Variants in SLC30A5 observed in about 807,000 individuals in gnomAD.
SLC30A5 encodes solute carrier family 30 member 5, also known as proton-coupled zinc antiporter SLC30A5.
A neutral mutation model predicts 79.6 loss-of-function variants in SLC30A5; 33 were observed. The observed-to-expected ratio is 0.41, with a 90% CI of 0.31 to 0.55. The LOEUF is 0.55. Among genes scored for constraint, SLC30A5 ranks in the 20% least tolerant of loss-of-function variants. The pLI is 0.20. For synonymous variants in SLC30A5, 299 were observed against 319.7 expected, an observed-to-expected ratio of 0.94 and a Z score of 0.69; for missense variants, 788 against 928.1, an observed-to-expected ratio of 0.85 and a Z score of 1.96.
At chr5:69,126,361 G>A (rs1314588390) in intron 14 of SLC30A5, among the ~76,000 whole-genome samples, 12 of 152,050 alleles carry the variant, frequency 7.9e-5, no homozygotes, top group East Asian at 1.9e-4. Context: ...AATGTTGCCC[G>A]GGCTGGTCTT....
chr5:69,100,333 G>A (rs1322265774), intron 1 of SLC30A5, among the ~76,000 whole-genome samples: 1 of 152,144 alleles, frequency 6.6e-6, no homozygotes, highest in African/African-American at 2.4e-5. Flanking sequence ...ACAGCTCACT[G>A]CAACCTCAAC....
chr5:69,094,218 C>CG lies in SLC30A5; in HGVS notation c.-37dup. ...GCAGCGGCGAGACATGAGGAGACCC[C>CG]GCGACAGGGGCAGCGGCGGCGGCTC... On this transcript the variant is annotated 5_prime_UTR_variant, in exon 1 of 16. It removes the in-frame stop codon of an upstream open reading frame in the 5' UTR. Coordinates refer to ENST00000396591, the MANE Select transcript of SLC30A5 (RefSeq NM_022902.5). The CG allele has an allele frequency of 9.1e-7, 1 of 1,102,894 alleles. No individual in the cohort carries two copies. The allele number at this position is 1,102,894 out of a possible 1,614,324, so 68.3% of individuals were successfully genotyped here.
At chr5:69,104,518 A>G (rs1237355337) in intron 3 of SLC30A5, 113 bp from the exon 4 acceptor site, 18 of 1,395,054 alleles carry the variant, frequency 1.3e-5, no homozygotes, top group Non-Finnish European at 1.7e-5. Context: ...ATATGTAATG[A>G]TTTCACCTTT....
chr5:69,096,028 C>T (rs1480562726), intron 1 of SLC30A5, among the ~76,000 whole-genome samples: 1 of 152,122 alleles, frequency 6.6e-6, no homozygotes, highest in Non-Finnish European at 1.5e-5. Flanking sequence ...GAGATCGCAC[C>T]ACTGCACTCC....
intron 13 of SLC30A5, among the ~76,000 whole-genome samples, chr5:69,122,326 G>A (rs1746559006): frequency 6.6e-6 from 1 of 152,176 alleles, no homozygotes; most frequent in South Asian, 2.1e-4. Flanking sequence ...ACAGGTGTGA[G>A]CCACCATGCC....
chr5:69,116,168 C>A lies in SLC30A5; in HGVS notation c.1026C>A (p.His342Gln), dbSNP rs1414951004. The change falls in exon 9 of 16, where the codon CAC (histidine) becomes CAA (glutamine). Residue 342 changes from histidine to glutamine, a missense_variant. Physicochemically the swap from His to Gln is conservative, Grantham distance 24. Around this residue, in one of 3 missense-constraint regions of SLC30A5, gnomAD observed 626 missense variants for 755.5 expected, o/e 0.83. Transcript: ENST00000396591. The surrounding 1 kb of genome is among the most constrained non-coding windows in gnomAD (Gnocchi z 4.0). ...NKAAHQESTE[H>Q]VLSGGVVVSA... ...CAGCACACCAGGAGAGCACTGAACA[C>A]GTCCTGTCTGGAGGAGTGGTAGTGA... 1 of 1,613,976 alleles carries A rather than the reference C, an allele frequency of 6.2e-7. No homozygotes were observed. Among genetic ancestry groups the A allele is most frequent in the Non-Finnish European group, 8.5e-7 (1 of 1,180,000 alleles).
intron 1 of SLC30A5, among the ~76,000 whole-genome samples, chr5:69,097,077 A>C (rs1346253178): frequency 7.1e-6 from 1 of 141,412 alleles, no homozygotes. Context: ...ACCCTTAGAG[A>C]TTTTAGTTGT....
intron 14 of SLC30A5, among the ~76,000 whole-genome samples, chr5:69,125,278 G>C (rs1746644890): frequency 6.6e-6 from 1 of 152,080 alleles, no homozygotes; most frequent in South Asian, 2.1e-4. Flanking sequence ...TGTAATCCCA[G>C]CACTTTGGGA....
chr5:69,113,248 A>G (rs1470930201), intron 6 of SLC30A5, 21 bp downstream of exon 6: 4 of 1,591,856 alleles, frequency 2.5e-6, no homozygotes, highest in East Asian at 2.2e-5. Context: ...GGAATAGATC[A>G]GAGTTGTTTC....
At chr5:69,105,621 G>C (rs535140411) in intron 4 of SLC30A5, among the ~76,000 whole-genome samples, 22 of 152,144 alleles carry the variant, frequency 1.4e-4, no homozygotes, top group Admixed American at 5.9e-4. Context: ...TCACGCCACT[G>C]CACTGCAGGC....
chr5:69,121,671 G>C, intron 12 of SLC30A5, 23 bp from the exon 13 acceptor site: 1 of 1,527,678 alleles, frequency 6.5e-7, no homozygotes. Context: ...TAATTTAAAG[G>C]TTTTTTTTCT....
intron 3 of SLC30A5, 22 bp from the exon 4 acceptor site, chr5:69,104,609 A>G: frequency 6.6e-7 from 1 of 1,504,024 alleles, no homozygotes; most frequent in South Asian, 1.3e-5. Context: ...GAAATTTTTA[A>G]TTTTTTTGTT....
At chr5:69,125,895 A>AAAAAAAAAAAAC (rs1746673288) in intron 14 of SLC30A5, among the ~76,000 whole-genome samples, 1 of 145,678 alleles carries the variant, frequency 6.9e-6, no homozygotes, top group African/African-American at 2.5e-5. Flanking sequence ...AAAAAAAAAA[A>AAAAAAAAAAAAC]ATTAGCTGGG....
At chr5:69,115,165 AGAT>A in intron 7 of SLC30A5, 69 bp from the exon 8 acceptor site, 1 of 754,560 alleles carries the variant, frequency 1.3e-6, no homozygotes, top group Non-Finnish European at 2.0e-6. Flanking sequence ...AAAAAAAAAA[AGAT>A]CATGTATTTA....
intron 13 of SLC30A5, among the ~76,000 whole-genome samples, chr5:69,122,239 A>T (rs962371057): frequency 6.6e-5 from 10 of 152,204 alleles, no homozygotes; most frequent in Non-Finnish European, 1.5e-4. Context: ...CCTACTAAAA[A>T]TACAAAAATT....
At chr5:69,117,421 G>A (rs370719675) in intron 11 of SLC30A5, 25 bp downstream of exon 11, 2 of 1,604,300 alleles carry the variant, frequency 1.2e-6, no homozygotes, top group Non-Finnish European at 1.7e-6. Flanking sequence ...TGTCGAGGTG[G>A]TATATCTTAA....
intron 14 of SLC30A5, among the ~76,000 whole-genome samples, chr5:69,124,422 T>C (rs1471952638): frequency 6.6e-6 from 1 of 152,032 alleles, no homozygotes; most frequent in Admixed American, 6.6e-5. Flanking sequence ...TGGGGAGAAA[T>C]AGTTGACCTA....
chr5:69,115,293 T>A lies in SLC30A5; in HGVS notation c.669T>A (p.Ala223=). 1 of 1,614,122 alleles carries A rather than the reference T, an allele frequency of 6.2e-7. No individual in the cohort carries two copies. The highest frequency in any genetic ancestry group is 2.2e-5 in the East Asian group (1 of 44,880). Residue 223 remains alanine (A), a synonymous_variant, in exon 8 of 16, where the codon GCT becomes GCA. Coordinates refer to ENST00000396591, the MANE Select transcript of SLC30A5 (RefSeq NM_022902.5). Reference sequence around the variant, plus strand: ...GTTGTAAAGTTGGTTTTCATACAGCTTCCAGAAAGCTCTCTGTCGACGTTG... The same window carrying A: ...GTTGTAAAGTTGGTTTTCATACAGCATCCAGAAAGCTCTCTGTCGACGTTG... ...ALCCKVGFHT[A]SRKLSVDVGG...
chr5:69,114,819 C>T (rs948457842), intron 7 of SLC30A5, among the ~76,000 whole-genome samples: 1 of 152,072 alleles, frequency 6.6e-6, no homozygotes, highest in East Asian at 1.9e-4. Flanking sequence ...GAGCCAAGGT[C>T]GCGCTATTGC....
Sources: allele counts gnomAD v4.1 joint callset (sites outside exome capture counted in the v4.1 genomes callset), GRCh38; gene constraint gnomAD v4.1.1; regional missense constraint gnomAD v4.1.1; non-coding constraint Gnocchi (gnomAD v3.1); transcripts MANE v1.5; gene names NCBI Gene and HGNC (gene_info 2026-07-23, HGNC 2026-07-21).